Variants in UGDH observed in about 807,000 individuals in gnomAD.
UGDH encodes UDP-Glc dehydrogenase.
A neutral mutation model predicts 50.6 loss-of-function variants in UGDH; 38 were observed. That is an observed-to-expected ratio of 0.75 (90% CI 0.58 to 0.98). The LOEUF (loss-of-function observed/expected upper bound fraction) is 0.98. UGDH is among the 50% of genes least tolerant of loss of function. The pLI is 0.00. For synonymous variants in UGDH, 168 were observed against 199.9 expected, an observed-to-expected ratio of 0.84 and a Z score of 1.35; for missense variants, 465 against 606.2, an observed-to-expected ratio of 0.77 and a Z score of 2.45.
At chr4:39,516,827 T>C (rs1187302330) in intron 2 of UGDH, among the ~76,000 whole-genome samples, 1 of 152,116 alleles carries the variant, frequency 6.6e-6, no homozygotes, top group African/African-American at 2.4e-5. Context: ...TTCTAGAAAA[T>C]GAGGGAAAAG....
At chr4:39,520,587 T>C (rs1169305985) in intron 2 of UGDH, among the ~76,000 whole-genome samples, 1 of 152,046 alleles carries the variant, frequency 6.6e-6, no homozygotes, top group Non-Finnish European at 1.5e-5. Flanking sequence ...GTTAAAAATA[T>C]TTGTGGCACC....
chr4:39,515,383 T>C (rs191668039), intron 2 of UGDH, among the ~76,000 whole-genome samples: 7 of 152,324 alleles, frequency 4.6e-5, no homozygotes. Context: ...ATTCAGGCCA[T>C]AGAACTGGCT....
intron 2 of UGDH, among the ~76,000 whole-genome samples, chr4:39,514,587 T>G (rs545446573): frequency 6.6e-6 from 1 of 152,176 alleles, no homozygotes; most frequent in East Asian, 1.9e-4. Context: ...TCCAGGCTGG[T>G]CTCACATTCC....
chr4:39,510,711 T>C lies in UGDH; in HGVS notation c.415A>G (p.Ser139Gly). The C allele has an allele frequency of 6.2e-7, 1 of 1,614,274 alleles. No homozygotes were observed. Among genetic ancestry groups the C allele is most frequent in the Non-Finnish European group, 8.5e-7 (1 of 1,180,048 alleles). Residue 139 changes from serine to glycine, a missense_variant, in exon 4 of 12, where the codon AGT becomes GGT. Ser to Gly is a moderately conservative substitution (Grantham distance 56). Coordinates refer to ENST00000316423, the MANE Select transcript of UGDH (RefSeq NM_003359.4). ...KSTVPVRAAE[S>G]IRRIFDANTK... is the part of the protein sequence containing the mutation. ...TTTGCATCAAATATGCGACGGATACTTTCTGCTGCCCGCACTGGAACTGTG... is the reference window on the plus strand; with the variant it reads ...TTTGCATCAAATATGCGACGGATACCTTCTGCTGCCCGCACTGGAACTGTG...
chr4:39,512,163 C>T (rs1464806362), intron 3 of UGDH, among the ~76,000 whole-genome samples: 1 of 152,102 alleles, frequency 6.6e-6, no homozygotes, highest in Non-Finnish European at 1.5e-5. Flanking sequence ...AAAACTAACA[C>T]ATGAATGTTA....
intron 2 of UGDH, among the ~76,000 whole-genome samples, chr4:39,518,258 T>A (rs533799690): frequency 5.8e-4 from 89 of 152,232 alleles, no homozygotes; most frequent in Non-Finnish European, 1.1e-3. Flanking sequence ...TGCTGATTAA[T>A]ATTTAGGTTG....
chr4:39,516,316 T>G (rs1746441921), intron 2 of UGDH, among the ~76,000 whole-genome samples: 1 of 152,170 alleles, frequency 6.6e-6, no homozygotes, highest in Admixed American at 6.5e-5. Flanking sequence ...TAGAGATACA[T>G]GATAAAGTAT....
Position 39,499,630 on chromosome 4 carries a change from T to G in UGDH, c.*513A>C. 1 of 152,220 alleles carries G rather than the reference T, an allele frequency of 6.6e-6. No individual in the cohort carries two copies. Among genetic ancestry groups the G allele is most frequent in the African/African-American group, 2.4e-5 (1 of 41,462 alleles). 9.4% of individuals were successfully genotyped at this position (152,220 alleles called of 1,614,324 possible). A position where few individuals can be genotyped will look rare whatever the true frequency, so the allele number is the denominator to read the frequency against. ...TCCAATAACTGAGCTAACAGTATTA[T>G]AAAAATATGTAAAAAAATTCTAGAT... is the stretch of plus-strand genomic sequence containing the variant. On this transcript the variant is annotated 3_prime_UTR_variant, in exon 12 of 12. Transcript: ENST00000316423.
At chr4:39,518,332 G>C (rs1417279832) in intron 2 of UGDH, among the ~76,000 whole-genome samples, 1 of 151,820 alleles carries the variant, frequency 6.6e-6, no homozygotes, top group African/African-American at 2.4e-5. Context: ...GGAATTGCTG[G>C]ATCACAGACT....
rs1360005813 is a variant in UGDH at position 39,499,525 on chromosome 4, ATAAAG to A, written c.*613_*617del. On this transcript the variant is annotated 3_prime_UTR_variant, in exon 12 of 12. Coordinates refer to ENST00000316423, the MANE Select transcript of UGDH (RefSeq NM_003359.4). ...TTAAAGTGTGGCCTATGGACAATTT[ATAAAG>A]TAAAGAGTTTGAAGTTTAATTTTTA... 1.3e-5 allele frequency: 2 copies of A among 152,212 alleles called. No homozygotes were observed. The highest frequency in any genetic ancestry group is 6.5e-5 in the Admixed American group (1 of 15,282). 9.4% of individuals were successfully genotyped at this position (152,212 alleles called of 1,614,324 possible). A position where few individuals can be genotyped will look rare whatever the true frequency, so the allele number is the denominator to read the frequency against.
chr4:39,513,749 A>C (rs1257760806), intron 3 of UGDH, among the ~76,000 whole-genome samples: 3 of 147,740 alleles, frequency 2.0e-5, no homozygotes, highest in African/African-American at 2.4e-5. Context: ...GTTGGCCAGG[A>C]TGGTCTCAAT....
chr4:39,504,589 G>A (rs1745957855), intron 9 of UGDH, 81 bp from the exon 10 acceptor site: 7 of 1,238,246 alleles, frequency 5.7e-6, no homozygotes, highest in Non-Finnish European at 6.9e-6. Flanking sequence ...TTATCTGCAG[G>A]GATACATTCC....
At position 39,514,135 on chromosome 4, in the gene UGDH, A is replaced by C; in HGVS notation, c.212T>G (p.Phe71Cys). Residue 71 changes from phenylalanine to cysteine, a missense_variant, in exon 3 of 12, where the codon TTT becomes TGT. By Grantham distance (205) the Phe-to-Cys change is radical. Coordinates refer to ENST00000316423, the MANE Select transcript of UGDH (RefSeq NM_003359.4). Reference protein sequence around the residue: ...VESCRGKNLFFSTNIDDAIKE... With the variant: ...VESCRGKNLFCSTNIDDAIKE... ...GATGGCATCATCAATATTGGTAGAA[A>C]AAAAAAGATTTTTTCCTCGACAGGA... 1 of 1,583,420 alleles carries C rather than the reference A, an allele frequency of 6.3e-7. No homozygotes were observed.
rs559672243 is a variant in UGDH at position 39,518,633 on chromosome 4, A to G, written c.162+2718T>C. On this transcript the variant is annotated intron_variant, in intron 2 of 11. Transcript: ENST00000316423. ...CGGTTGGCCTTTAAAAAAAAAAAAA[A>G]AAAAGAAAAGGAACAGGGGTCTTGC... Among the ~76,000 whole-genome samples, 1,358 of 150,922 alleles carry G rather than the reference A, an allele frequency of 9.0e-3. 15 individuals are homozygous for G. The highest frequency in any genetic ancestry group is 0.015 in the South Asian group (73 of 4,776).
intron 8 of UGDH, 87 bp from the exon 9 acceptor site, chr4:39,505,457 A>T: frequency 8.0e-7 from 1 of 1,246,652 alleles, no homozygotes; most frequent in Non-Finnish European, 1.0e-6. Context: ...GTAAAATTAT[A>T]TTTCTGAAGC....
At chr4:39,506,852 G>A (rs2109923529) in intron 7 of UGDH, among the ~76,000 whole-genome samples, 1 of 152,252 alleles carries the variant, frequency 6.6e-6, no homozygotes, top group Non-Finnish European at 1.5e-5. Flanking sequence ...AATTGTATCT[G>A]TTTTCACTTT....
rs10001159 is a variant in UGDH at position 39,519,608 on chromosome 4, G to A, written c.162+1743C>T. Among the ~76,000 whole-genome samples, 1,312 of 151,714 alleles carry A rather than the reference G, an allele frequency of 8.6e-3. 16 individuals are homozygous for A. Among genetic ancestry groups the A allele is most frequent in the African/African-American group, 0.03 (1,240 of 41,376 alleles). On this transcript the variant is annotated intron_variant, in intron 2 of 11. Coordinates refer to ENST00000316423, the MANE Select transcript of UGDH (RefSeq NM_003359.4). ...GGCTGGAGTACAATGGCGTGATCTC[G>A]GCTCACTGCAACCTCTGCCTCCTGG...
chr4:39,506,576 C>T (rs918941424), intron 7 of UGDH, among the ~76,000 whole-genome samples: 16 of 152,232 alleles, frequency 1.1e-4, no homozygotes, highest in African/African-American at 3.6e-4. Context: ...TGAACCATAA[C>T]ACCACAACTA....
At chr4:39,517,954 A>G (rs1467311350) in intron 2 of UGDH, among the ~76,000 whole-genome samples, 2 of 152,094 alleles carry the variant, frequency 1.3e-5, no homozygotes, top group African/African-American at 2.4e-5. Context: ...TTTAAGACGG[A>G]GTCTCACTCT....
Sources: gnomAD v4.1 joint callset for allele counts (sites outside exome capture counted in the v4.1 genomes callset) on GRCh38, gnomAD v4.1.1 for gene constraint, MANE v1.5 for transcripts, NCBI Gene and HGNC (gene_info 2026-07-23, HGNC 2026-07-21) for gene names.